LYPLAL1: variants seen among roughly 807,000 people sequenced by gnomAD.
LYPLAL1 encodes the protein lysophospholipase-like protein 1.
LYPLAL1 carries 23 observed loss-of-function variants against 19.7 expected under a neutral mutation model. The ratio of observed to expected loss-of-function variants is 1.17; its 90% CI spans 0.84 to 1.65. The LOEUF is 1.65. LYPLAL1 is among the 40% of genes most tolerant of loss of function. The pLI is 0.00. For synonymous variants in LYPLAL1, 119 were observed against 96.3 expected (o/e 1.24, Z -1.38); for missense variants, 355 against 279.4 (o/e 1.27, Z -1.93).
chr1:219,195,686 A>C (rs1657543571), intron 3 of LYPLAL1, among the ~76,000 whole-genome samples: 1 of 150,796 alleles, frequency 6.6e-6, no homozygotes, highest in African/African-American at 2.5e-5. Context: ...AATCTTTTAA[A>C]AATTTTAATT....
the LYPLAL1 span, among the ~76,000 whole-genome samples, chr1:219,381,637 G>A: frequency 1.7e-3 from 261 of 152,292 alleles, no homozygotes; most frequent in East Asian, 1.5e-3. Context: ...GGAATGACAG[G>A]GAGGGTTGCA....
the LYPLAL1 span, among the ~76,000 whole-genome samples, chr1:219,445,408 T>TG: frequency 0.11 from 5,939 of 55,478 alleles, 254 homozygotes; most frequent in Middle Eastern, 0.13. Context: ...TTATTCAAAT[T>TG]GGGGGGGGGG....
chr1:219,277,337 T>C, the LYPLAL1 span, among the ~76,000 whole-genome samples: 1 of 152,194 alleles, frequency 6.6e-6, no homozygotes, highest in Non-Finnish European at 1.5e-5. Flanking sequence ...TTGATTATGA[T>C]CAGCAATTTT....
chr1:219,422,997 G>A, the LYPLAL1 span, among the ~76,000 whole-genome samples: 2 of 152,114 alleles, frequency 1.3e-5, no homozygotes, highest in African/African-American at 2.4e-5. Flanking sequence ...CCATGACGGA[G>A]CATGCAATTG....
At chr1:219,215,807 A>G (rs1028323960), downstream of LYPLAL1, among the ~76,000 whole-genome samples, 1 of 152,104 alleles carries the variant, frequency 6.6e-6, no homozygotes, top group Non-Finnish European at 1.5e-5. Flanking sequence ...ACTGTCCTTT[A>G]CTACCCAATG....
the LYPLAL1 span, among the ~76,000 whole-genome samples, chr1:219,228,537 T>C: frequency 6.6e-6 from 1 of 152,076 alleles, no homozygotes; most frequent in Non-Finnish European, 1.5e-5. Context: ...TTTATTATTT[T>C]GTTTACTACG....
the LYPLAL1 span, among the ~76,000 whole-genome samples, chr1:219,263,770 G>A: frequency 4.6e-5 from 7 of 152,132 alleles, no homozygotes; most frequent in African/African-American, 9.7e-5. Flanking sequence ...TCAGTTCTAC[G>A]TAAGGTTAAA....
chr1:219,211,731 G>C lies in LYPLAL1; in HGVS notation c.*3G>C. The C allele has an allele frequency of 3.2e-6, 5 of 1,570,584 alleles. No homozygotes were observed. Among genetic ancestry groups the C allele is most frequent in the Non-Finnish European group, 4.3e-6 (5 of 1,149,706 alleles). On this transcript the variant is annotated 3_prime_UTR_variant, in exon 5 of 5. Transcript: ENST00000366928. ...GAGAAATGGAAAAACAAAAATGAAT[G>C]AATCAAGAGTGATTTGTTAATGTAA... is the stretch of plus-strand genomic sequence containing the variant.
the LYPLAL1 span, among the ~76,000 whole-genome samples, chr1:219,241,134 C>CTCTCTATATATATATA: frequency 1.1e-3 from 50 of 44,340 alleles, no homozygotes; most frequent in Non-Finnish European, 1.9e-3. Flanking sequence ...CTCTCTCTCT[C>CTCTCTATATATATATA]TATATATATA....
chr1:219,418,022 T>C, the LYPLAL1 span, among the ~76,000 whole-genome samples: 1 of 152,250 alleles, frequency 6.6e-6, no homozygotes, highest in African/African-American at 2.4e-5. Context: ...AATTAAGTAA[T>C]TGCAGCTGAC....
chr1:219,315,593 T>C, the LYPLAL1 span, among the ~76,000 whole-genome samples: 1 of 152,198 alleles, frequency 6.6e-6, no homozygotes, highest in Non-Finnish European at 1.5e-5. Context: ...AATATGAAAA[T>C]GTGTTTTGGT....
At chr1:219,369,104 T>C in the LYPLAL1 span, among the ~76,000 whole-genome samples, 1 of 152,252 alleles carries the variant, frequency 6.6e-6, no homozygotes. Context: ...TTCCTTTATA[T>C]AGCTCTCCCA....
chr1:219,341,465 A>AATTTT, the LYPLAL1 span, among the ~76,000 whole-genome samples: 1 of 152,044 alleles, frequency 6.6e-6, no homozygotes, highest in Admixed American at 6.6e-5. Flanking sequence ...GAAAAGGTTC[A>AATTTT]ATTTTATTTT....
chr1:219,224,250 A>G, the LYPLAL1 span, among the ~76,000 whole-genome samples: 1 of 152,238 alleles, frequency 6.6e-6, no homozygotes, highest in Non-Finnish European at 1.5e-5. Flanking sequence ...AAGAGCAAAT[A>G]TATGACTCTT....
the LYPLAL1 span, among the ~76,000 whole-genome samples, chr1:219,416,824 G>T: frequency 3.0e-4 from 45 of 152,268 alleles, no homozygotes; most frequent in African/African-American, 9.6e-4. Flanking sequence ...GCTGGTTGCT[G>T]CTGGTTTTTT....
the LYPLAL1 span, among the ~76,000 whole-genome samples, chr1:219,259,615 T>C: frequency 8.6e-4 from 131 of 151,448 alleles, no homozygotes; most frequent in Non-Finnish European, 1.6e-3. Flanking sequence ...ATAAGAATGA[T>C]ATAATGAACT....
At chr1:219,200,309 C>T in intron 3 of LYPLAL1, 1 of 205,918 alleles carries the variant, frequency 4.9e-6, no homozygotes, top group South Asian at 9.8e-5. Flanking sequence ...TTTCATCAGT[C>T]ATTTTAGCAA....
the LYPLAL1 span, among the ~76,000 whole-genome samples, chr1:219,432,935 G>A: frequency 6.6e-6 from 1 of 152,148 alleles, no homozygotes; most frequent in African/African-American, 2.4e-5. Context: ...TGGTGGCAAG[G>A]AACAGCAGAC....
chr1:219,298,790 T>C, the LYPLAL1 span, among the ~76,000 whole-genome samples: 1 of 152,244 alleles, frequency 6.6e-6, no homozygotes, highest in African/African-American at 2.4e-5. Flanking sequence ...TACACTGATG[T>C]ATTCTCTCCA....
Sources: allele counts gnomAD v4.1 joint callset (sites outside exome capture counted in the v4.1 genomes callset), GRCh38; gene constraint gnomAD v4.1.1; transcripts MANE v1.5; gene names NCBI Gene and HGNC (gene_info 2026-07-23, HGNC 2026-07-21).